SORCS2: variants seen among roughly 807,000 people sequenced by gnomAD.
SORCS2 encodes the protein VPS10 domain-containing receptor SorCS2.
SORCS2 carries 100 observed loss-of-function variants against 141.6 expected under a neutral mutation model. The ratio of observed to expected loss-of-function variants is 0.71; its 90% CI spans 0.60 to 0.83. The LOEUF (loss-of-function observed/expected upper bound fraction) is 0.83, where lower values mean the gene tolerates loss of function less well. Among genes scored for constraint, SORCS2 ranks in the 40% least tolerant of loss-of-function variants. The pLI is 0.00. For synonymous variants in SORCS2, 789 were observed against 676.9 expected (o/e 1.17, Z -2.57); for missense variants, 1,646 against 1,560.2 (o/e 1.05, Z -0.93).
At chr4:7,620,951 C>T (rs925937414) in intron 3 of SORCS2, among the ~76,000 whole-genome samples, 1 of 152,162 alleles carries the variant, frequency 6.6e-6, no homozygotes, top group African/African-American at 2.4e-5. Flanking sequence ...GTGCCCTTCT[C>T]CTGCTGCGAC....
At chr4:7,239,366 T>A (rs992532084) in intron 1 of SORCS2, among the ~76,000 whole-genome samples, 2 of 152,256 alleles carry the variant, frequency 1.3e-5, no homozygotes, top group African/African-American at 4.8e-5. Flanking sequence ...GCAGCTCCCC[T>A]GCTGGTCTCT....
intron 1 of SORCS2, 59 bp from the exon 2 acceptor site, chr4:7,396,229 C>G: frequency 9.0e-6 from 14 of 1,550,714 alleles, no homozygotes; most frequent in Non-Finnish European, 1.2e-5. Context: ...CACTGTACCT[C>G]TCTTTGAGAA....
At position 7,509,357 on chromosome 4, in the gene SORCS2, C is replaced by T. The variant is rs367730753; in HGVS notation, c.549-22173C>T. 6.2e-4 allele frequency among the ~76,000 whole-genome samples: 94 copies of T among 152,278 alleles called. 1 individual carries two copies. In the South Asian group the frequency reaches 0.018, roughly 29 times the overall value. On this transcript the variant is annotated intron_variant, in intron 2 of 26. Transcript: ENST00000507866. Reference sequence around the variant, plus strand: ...CAGCCTCTCTTCCCCCTGCTGGAGCCTCCCATTGTGGAGTCCGGTGGGAGT... The same window carrying T: ...CAGCCTCTCTTCCCCCTGCTGGAGCTTCCCATTGTGGAGTCCGGTGGGAGT...
intron 1 of SORCS2, among the ~76,000 whole-genome samples, chr4:7,355,598 G>C (rs767382656): frequency 6.6e-6 from 1 of 152,070 alleles, no homozygotes; most frequent in Non-Finnish European, 1.5e-5. Flanking sequence ...GTGTGGGTCC[G>C]AGGGAGAGAG....
At chr4:7,376,233 A>C (rs966597682) in intron 1 of SORCS2, among the ~76,000 whole-genome samples, 1 of 151,802 alleles carries the variant, frequency 6.6e-6, no homozygotes, top group African/African-American at 2.4e-5. Context: ...TGTAAATATA[A>C]AGCATGCTTA....
Position 7,664,474 on chromosome 4 carries a change from A to G in SORCS2, c.1071+3A>G. On this transcript the variant is annotated splice_donor_region_variant and intron_variant, in intron 7 of 26. Transcript: ENST00000507866. This position sits in a 1 kb window ranked among gnomAD's most constrained non-coding sequence, Gnocchi z 4.7. ...AGGACGATTACATCTTCTTTAAGGTAAGGTTGCTTCTGGGGCTTTTGGAAA... is the reference window on the plus strand; with the variant it reads ...AGGACGATTACATCTTCTTTAAGGTGAGGTTGCTTCTGGGGCTTTTGGAAA... 1.3e-6 allele frequency: 2 copies of G among 1,599,374 alleles called. No individual in the cohort carries two copies. Among genetic ancestry groups the G allele is most frequent in the Non-Finnish European group, 1.7e-6 (2 of 1,169,822 alleles).
At chr4:7,219,008 C>G (rs571954169) in intron 1 of SORCS2, among the ~76,000 whole-genome samples, 1 of 150,426 alleles carries the variant, frequency 6.6e-6, no homozygotes, top group Non-Finnish European at 1.5e-5. Flanking sequence ...CCCTTCCTAC[C>G]TCAGAGCCCA....
At chr4:7,618,133 G>T (rs997275470) in intron 3 of SORCS2, among the ~76,000 whole-genome samples, 9 of 152,022 alleles carry the variant, frequency 5.9e-5, no homozygotes, top group African/African-American at 2.2e-4. Flanking sequence ...CGTTGCCATC[G>T]GAACTCTTCC....
chr4:7,725,821 C>T (rs1411366914), intron 20 of SORCS2, among the ~76,000 whole-genome samples: 3 of 152,224 alleles, frequency 2.0e-5, no homozygotes, highest in Non-Finnish European at 2.9e-5. Context: ...ATTCAGCAAA[C>T]AGCCCAGCAC....
intron 3 of SORCS2, among the ~76,000 whole-genome samples, chr4:7,532,744 G>A (rs1711764636): frequency 6.6e-6 from 1 of 152,106 alleles, no homozygotes; most frequent in Non-Finnish European, 1.5e-5. Flanking sequence ...GGGCCGTCTC[G>A]GTGGTCTCAG....
At chr4:7,398,193 C>T (rs1355941418) in intron 2 of SORCS2, among the ~76,000 whole-genome samples, 2 of 152,166 alleles carry the variant, frequency 1.3e-5, no homozygotes, top group African/African-American at 4.8e-5. Flanking sequence ...GTGTCTGGCC[C>T]CCTGGCATGG....
At chr4:7,535,202 A>G (rs1425004494) in intron 3 of SORCS2, among the ~76,000 whole-genome samples, 1 of 152,180 alleles carries the variant, frequency 6.6e-6, no homozygotes, top group African/African-American at 2.4e-5. Context: ...CCGGAAGGCC[A>G]TGATCCCCTA....
At chr4:7,651,452 C>T (rs888813618) in intron 4 of SORCS2, among the ~76,000 whole-genome samples, 1 of 152,216 alleles carries the variant, frequency 6.6e-6, no homozygotes, top group Non-Finnish European at 1.5e-5. Context: ...GGAGGACAGA[C>T]TGCCTCCACA....
chr4:7,438,211 C>T (rs75195390), intron 2 of SORCS2, among the ~76,000 whole-genome samples: 2,725 of 152,270 alleles, frequency 0.018, 65 homozygotes, highest in African/African-American at 0.062. Flanking sequence ...GGCCTTCCAT[C>T]GGGAGCTGAT....
rs975717482 is a variant in SORCS2, at chr4:7,222,273, G to A, written c.480+29147G>A. Among the ~76,000 whole-genome samples the A allele has an allele frequency of 2.0e-5, 3 of 152,118 alleles. No homozygotes were observed. The South Asian group carries it at 6.2e-4, about 32-fold the overall frequency. On this transcript the variant is annotated intron_variant, in intron 1 of 26. Coordinates refer to ENST00000507866, the MANE Select transcript of SORCS2 (RefSeq NM_020777.3). ...CAACAGACACGGATGAACAAAATGT[G>A]GCCCATCCACGTGGTAGAATATTAT...
chr4:7,640,786 C>T (rs920100523), intron 4 of SORCS2, among the ~76,000 whole-genome samples: 2 of 152,066 alleles, frequency 1.3e-5, no homozygotes, highest in African/African-American at 2.4e-5. Flanking sequence ...CAGGAAGGGT[C>T]CCAGTAGGAG....
intron 2 of SORCS2, among the ~76,000 whole-genome samples, chr4:7,505,550 C>G (rs1732226432): frequency 6.6e-6 from 1 of 152,188 alleles, no homozygotes; most frequent in South Asian, 2.1e-4. Flanking sequence ...CTCACTGTCT[C>G]TCCTTTCTGC....
chr4:7,518,560 T>A (rs1733130150), intron 2 of SORCS2, among the ~76,000 whole-genome samples: 1 of 152,236 alleles, frequency 6.6e-6, no homozygotes, highest in Admixed American at 6.5e-5. Flanking sequence ...AGTAACACTC[T>A]GGGTTTTAGA....
At chr4:7,449,413 G>A (rs1332188979) in intron 2 of SORCS2, among the ~76,000 whole-genome samples, 1 of 107,444 alleles carries the variant, frequency 9.3e-6, no homozygotes, top group African/African-American at 3.6e-5. Flanking sequence ...AATAGCCCAG[G>A]ATGGAACGTA....
Sources: gnomAD v4.1 joint callset for allele counts (sites outside exome capture counted in the v4.1 genomes callset) on GRCh38, gnomAD v4.1.1 for gene constraint, Gnocchi (gnomAD v3.1) non-coding constraint, MANE v1.5 for transcripts, NCBI Gene and HGNC (gene_info 2026-07-23, HGNC 2026-07-21) for gene names.